The following DIAPH2 variants were observed in gnomAD, a reference collection of about 807,000 sequenced individuals.
DIAPH2 encodes the protein protein diaphanous homolog 2.
DIAPH2 carries 35 observed loss-of-function variants against 92.7 expected under a neutral mutation model. That is an observed-to-expected ratio of 0.38 (90% confidence interval 0.29 to 0.50). DIAPH2 has a LOEUF of 0.50. Among genes scored for constraint, DIAPH2 ranks in the 20% least tolerant of loss-of-function variants. DIAPH2 has a pLI of 0.94. For missense variants in DIAPH2, 701 were observed against 819.5 expected (o/e 0.86, Z 1.77); for synonymous variants, 301 against 280.4 (o/e 1.07, Z -0.73).
chrX:96,904,451 G>A (rs553454944), intron 5 of DIAPH2, among the ~76,000 whole-genome samples: 4 of 111,885 alleles, frequency 3.6e-5, no homozygotes, highest in Admixed American at 9.4e-5. Flanking sequence ...CTGAGTGGAC[G>A]TATATGTTTT....
intron 4 of DIAPH2, among the ~76,000 whole-genome samples, chrX:96,780,766 G>A (rs182148929): frequency 4.6e-5 from 5 of 108,286 alleles, no homozygotes; most frequent in African/African-American, 1.0e-4. Flanking sequence ...ACAGGCGTGA[G>A]CCACCATGCC....
intron 22 of DIAPH2, among the ~76,000 whole-genome samples, chrX:97,194,345 G>GCA (rs2067680601): frequency 2.9e-5 from 3 of 103,955 alleles, no homozygotes; most frequent in Non-Finnish European, 5.9e-5. Context: ...GCAGTGGCGT[G>GCA]ATCTTGGCTC....
intron 23 of DIAPH2, among the ~76,000 whole-genome samples, chrX:97,328,653 T>C (rs2068971830): frequency 1.8e-5 from 2 of 111,415 alleles, no homozygotes; most frequent in Admixed American, 1.9e-4. Context: ...ATTTGCCATA[T>C]GTTATTTTAG....
intron 22 of DIAPH2, among the ~76,000 whole-genome samples, chrX:97,236,169 G>T (rs1352886410): frequency 1.8e-5 from 2 of 111,457 alleles, no homozygotes; most frequent in African/African-American, 6.5e-5. Flanking sequence ...GTGAAAATTC[G>T]TGGCTTTGTA....
chrX:96,922,721 G>A (rs906405780), intron 9 of DIAPH2, among the ~76,000 whole-genome samples: 1 of 111,445 alleles, frequency 9.0e-6, no homozygotes, highest in African/African-American at 3.3e-5. Context: ...TACTACATTT[G>A]GTGTTTCCCA....
intron 8 of DIAPH2, 124 bp downstream of exon 8, chrX:96,916,698 A>C: frequency 2.6e-6 from 2 of 759,218 alleles, no homozygotes; most frequent in Non-Finnish European, 3.6e-6. Context: ...ATAATTTTTG[A>C]TTGAAATTTT....
intron 26 of DIAPH2, among the ~76,000 whole-genome samples, chrX:97,594,567 G>C (rs1479292470): frequency 8.9e-6 from 1 of 112,633 alleles, no homozygotes; most frequent in Non-Finnish European, 1.9e-5. Flanking sequence ...AGCCTAAGCT[G>C]CAATAGACCC....
At chrX:97,355,641 G>T (rs1052869430) in intron 24 of DIAPH2, among the ~76,000 whole-genome samples, 14 of 111,190 alleles carry the variant, frequency 1.3e-4, no homozygotes, top group African/African-American at 3.9e-4. Flanking sequence ...CTTCTTTAAT[G>T]ATATAGTTTT....
At chrX:97,335,030 A>G (rs1054360320) in intron 23 of DIAPH2, among the ~76,000 whole-genome samples, 1 of 95,875 alleles carries the variant, frequency 1.0e-5, no homozygotes, top group African/African-American at 3.6e-5. Context: ...GAAGCAAACT[A>G]TGGGCTAAAC....
chrX:97,424,880 C>T (rs1182819235), intron 25 of DIAPH2, among the ~76,000 whole-genome samples: 1 of 111,851 alleles, frequency 8.9e-6, no homozygotes, highest in African/African-American at 3.3e-5. Flanking sequence ...CCACCTTGGC[C>T]TGCCAAAGTG....
chrX:97,059,163 T>G (rs2066579130), intron 17 of DIAPH2, among the ~76,000 whole-genome samples: 1 of 111,805 alleles, frequency 8.9e-6, no homozygotes, highest in Non-Finnish European at 1.9e-5. Context: ...CACTTAAAAT[T>G]AGAAACTGTA....
At chrX:97,302,624 C>T (rs958584578) in intron 23 of DIAPH2, among the ~76,000 whole-genome samples, 142 of 111,891 alleles carry the variant, frequency 1.3e-3, no homozygotes, top group African/African-American at 4.3e-3. Flanking sequence ...AAAAAACTCT[C>T]TTATATATCC....
rs1387950279 is a variant in DIAPH2 at position 97,185,353 on chromosome X, G to GTATATATATATGTATATATA, written c.2719+43560_2719+43561insATATATATATGTATATATAT. Among the ~76,000 whole-genome samples the GTATATATATATGTATATATA allele has an allele frequency of 1.5e-3, 28 of 18,397 alleles. 2 individuals carry two copies. Among genetic ancestry groups the GTATATATATATGTATATATA allele is most frequent in the African/African-American group, 0.01 (17 of 1,671 alleles). 16.0% of individuals were successfully genotyped at this position (18,397 alleles called of 115,157 possible). ...TATATATATATATGTATATATATAT[G>GTATATATATATGTATATATA]TGTGTATATATATATGTATATATAT... On this transcript the variant is annotated intron_variant, in intron 22 of 26. Transcript: ENST00000324765.
chrX:97,061,833 A>C (rs868703686), intron 17 of DIAPH2, among the ~76,000 whole-genome samples: 1 of 108,259 alleles, frequency 9.2e-6, no homozygotes, highest in Non-Finnish European at 1.9e-5. Flanking sequence ...AAAAAAAAAA[A>C]AACGCTCATT....
At chrX:96,816,435 A>T (rs778783599) in intron 4 of DIAPH2, among the ~76,000 whole-genome samples, 3 of 112,227 alleles carry the variant, frequency 2.7e-5, no homozygotes, top group African/African-American at 6.5e-5. Flanking sequence ...AAGTAATAGA[A>T]AATTAATTGA....
intron 9 of DIAPH2, among the ~76,000 whole-genome samples, chrX:96,928,458 A>T (rs2065598109): frequency 9.0e-6 from 1 of 111,400 alleles, no homozygotes; most frequent in African/African-American, 3.2e-5. Context: ...GTAAATAGTG[A>T]CAATTATTTC....
At chrX:97,489,432 C>A (rs372303622) in intron 26 of DIAPH2, among the ~76,000 whole-genome samples, 58 of 105,026 alleles carry the variant, frequency 5.5e-4, no homozygotes, top group African/African-American at 2.0e-3. Context: ...TTTTATTTTT[C>A]TTTTTCTTGT....
intron 21 of DIAPH2, among the ~76,000 whole-genome samples, chrX:97,131,187 A>C (rs928395409): frequency 5.4e-5 from 6 of 111,627 alleles, no homozygotes; most frequent in African/African-American, 2.0e-4. Flanking sequence ...CTCACAAAAA[A>C]AAATGGAAAC....
In DIAPH2 at chrX:97,365,548, A is replaced by G. The variant is rs143062548; in HGVS notation, c.3009+17268A>G. 4.0e-4 allele frequency among the ~76,000 whole-genome samples: 44 copies of G among 111,130 alleles called. No individual in the cohort carries two copies. In the East Asian group the frequency reaches 0.012, roughly 31 times the overall value. On this transcript the variant is annotated intron_variant, in intron 24 of 26. Coordinates refer to ENST00000324765, the MANE Select transcript of DIAPH2 (RefSeq NM_006729.5). ...GCACAGTCTCCCTTCTACCTGGTGA[A>G]ATTGTTTTCAACTTTCAAAACTCCA...
Sources: gnomAD v4.1 joint callset for allele counts (sites outside exome capture counted in the v4.1 genomes callset) on GRCh38, gnomAD v4.1.1 for gene constraint, MANE v1.5 for transcripts, NCBI Gene and HGNC (gene_info 2026-07-23, HGNC 2026-07-21) for gene names.